Variants in DOCK9 observed in about 807,000 individuals in gnomAD.
The protein encoded by DOCK9 is dedicator of cytokinesis 9.
A neutral mutation model predicts 263.3 loss-of-function variants in DOCK9; 89 were observed. That is an observed-to-expected ratio of 0.34 (90% confidence interval 0.28 to 0.40). DOCK9 has a LOEUF of 0.40. DOCK9 is among the 10% of genes least tolerant of loss of function. DOCK9 has a pLI of 1.00. For missense variants in DOCK9, 2,140 were observed against 2,603.4 expected (o/e 0.82, Z 3.87); for synonymous variants, 976 against 973.1 (o/e 1.00, Z -0.06).
upstream of DOCK9, chr13:99,088,105 C>T (rs928513448): frequency 6.6e-6 from 1 of 152,260 alleles, no homozygotes; most frequent in African/African-American, 2.4e-5. Context: ...TGAGGTATGC[C>T]GTCCGCACTC....
At chr13:99,075,863 G>C (rs1329405442) in intron 1 of DOCK9, among the ~76,000 whole-genome samples, 1 of 151,690 alleles carries the variant, frequency 6.6e-6, no homozygotes, top group Non-Finnish European at 1.5e-5. Flanking sequence ...GGAGACCCTG[G>C]GTAGTTCATG....
chr13:98,992,077 C>G (rs1421052892), intron 1 of DOCK9, among the ~76,000 whole-genome samples: 4 of 150,802 alleles, frequency 2.7e-5, no homozygotes, highest in African/African-American at 9.8e-5. Context: ...TAAAACTGTA[C>G]AGTGTGAAGC....
intron 1 of DOCK9, among the ~76,000 whole-genome samples, chr13:98,994,545 T>A (rs1880562787): frequency 1.3e-5 from 2 of 152,224 alleles, no homozygotes; most frequent in South Asian, 4.1e-4. Context: ...ATTTGAATCT[T>A]CTTCTGTGAC....
intron 1 of DOCK9, among the ~76,000 whole-genome samples, chr13:98,963,020 T>C (rs2058823768): frequency 6.6e-6 from 1 of 152,128 alleles, no homozygotes; most frequent in South Asian, 2.1e-4. Flanking sequence ...TTATGTGGCA[T>C]GATCAGAGTG....
chr13:98,877,342 A>G (rs1331854369), intron 27 of DOCK9, among the ~76,000 whole-genome samples: 6 of 152,338 alleles, frequency 3.9e-5, no homozygotes, highest in South Asian at 4.1e-4. Context: ...ACATGCAAGT[A>G]AATTCCTTTA....
intron 1 of DOCK9, among the ~76,000 whole-genome samples, chr13:99,037,423 CCTA>C (rs1888006236): frequency 6.6e-6 from 1 of 152,128 alleles, no homozygotes; most frequent in African/African-American, 2.4e-5. Flanking sequence ...GATACTCCTA[CCTA>C]CTTATTAAAT....
chr13:98,872,031 A>G (rs2094201235), intron 27 of DOCK9: 1 of 152,410 alleles, frequency 6.6e-6, no homozygotes, highest in African/African-American at 2.4e-5. Context: ...CTTCGTAGAG[A>G]CCCAGGATGG....
At chr13:98,837,692 G>T in intron 38 of DOCK9, 83 bp from the exon 39 acceptor site, 1 of 700,322 alleles carries the variant, frequency 1.4e-6, no homozygotes. Flanking sequence ...GTCAACTTTT[G>T]ATTATTCAGA....
chr13:98,840,743 A>G (rs1194890749), intron 38 of DOCK9, among the ~76,000 whole-genome samples: 1 of 152,148 alleles, frequency 6.6e-6, no homozygotes, highest in Non-Finnish European at 1.5e-5. Flanking sequence ...TAGGTCAGAG[A>G]CGTATTCCTA....
At chr13:98,926,882 A>G (rs913422317) in intron 3 of DOCK9, among the ~76,000 whole-genome samples, 5 of 152,260 alleles carry the variant, frequency 3.3e-5, no homozygotes, top group African/African-American at 9.6e-5. Context: ...TAACATGAAC[A>G]ACGTCTCTAT....
intron 3 of DOCK9, among the ~76,000 whole-genome samples, chr13:98,929,403 C>T (rs1477445486): frequency 1.3e-5 from 2 of 151,998 alleles, no homozygotes; most frequent in East Asian, 1.9e-4. Context: ...GTTAGCCAGG[C>T]GTGGTGGTGC....
At chr13:98,916,719 A>G (rs1270757908) in intron 7 of DOCK9, among the ~76,000 whole-genome samples, 1 of 152,132 alleles carries the variant, frequency 6.6e-6, no homozygotes, top group African/African-American at 2.4e-5. Flanking sequence ...AACAAAATGA[A>G]TTTTCTCTCC....
At chr13:99,006,896 A>G (rs148327686) in intron 1 of DOCK9, among the ~76,000 whole-genome samples, 1,546 of 151,920 alleles carry the variant, frequency 0.01, 14 homozygotes, top group Middle Eastern at 0.021. Flanking sequence ...GTTCCAGACC[A>G]ACCTGACAAC....
intron 38 of DOCK9, chr13:98,845,505 C>T (rs368239250): frequency 6.1e-6 from 3 of 488,280 alleles, no homozygotes; most frequent in South Asian, 4.3e-5. Context: ...AGAATGTGGA[C>T]GCTTGATCAA....
intron 2 of DOCK9, among the ~76,000 whole-genome samples, chr13:98,932,431 C>CAAAA (rs988414855): frequency 7.5e-6 from 1 of 133,978 alleles, no homozygotes; most frequent in South Asian, 2.6e-4. Flanking sequence ...AACAAACAAA[C>CAAAA]AAAAAAACAG....
In DOCK9 at chr13:98,860,455, G is replaced by T; in HGVS notation, c.3647C>A (p.Thr1216Asn). The change falls in exon 33 of 53, where the codon ACC becomes AAC. Residue 1216 changes from threonine (T) to asparagine (N), a missense_variant. Coordinates refer to ENST00000682017, the MANE Select transcript of DOCK9 (RefSeq NM_001366683.2). ...NPLVTPQKGSTLDNSLHKDLL... is the reference protein window; with the variant it reads ...NPLVTPQKGSNLDNSLHKDLL... ...GTCCTTGTGCAGGCTGTTGTCCAGG[G>T]TGCTTCCCTTCTGCGGCGTCACCAG... is the stretch of plus-strand genomic sequence containing the variant. 2.5e-6 allele frequency: 4 copies of T among 1,593,956 alleles called. No individual in the cohort carries two copies. Among genetic ancestry groups the T allele is most frequent in the Non-Finnish European group, 2.6e-6 (3 of 1,169,430 alleles).
chr13:98,896,490 A>ACAC (rs202049848), intron 15 of DOCK9, among the ~76,000 whole-genome samples: 28 of 134,516 alleles, frequency 2.1e-4, no homozygotes, highest in African/African-American at 6.4e-4. Flanking sequence ...TGATATGCAC[A>ACAC]AAAAAAAAAA....
chr13:98,794,000 G>A lies in DOCK9; in HGVS notation c.*626C>T, dbSNP rs1221478540. On this transcript the variant is annotated 3_prime_UTR_variant, in exon 53 of 53. Transcript: ENST00000682017. ...CAGCATAGTTGCGGTTATTAATATA[G>A]GCCTTTGGTTCTAAACTGCTTGACT... 2 of 152,594 alleles carry A rather than the reference G, an allele frequency of 1.3e-5. No homozygotes were observed. The highest frequency in any genetic ancestry group is 2.9e-5 in the Non-Finnish European group (2 of 68,094). 9.5% of individuals were successfully genotyped at this position (152,594 alleles called of 1,614,324 possible). A position where few individuals can be genotyped will look rare whatever the true frequency, so the allele number is the denominator to read the frequency against.
chr13:99,083,127 C>T (rs937069269), intron 1 of DOCK9, among the ~76,000 whole-genome samples: 7 of 152,040 alleles, frequency 4.6e-5, no homozygotes, highest in African/African-American at 1.2e-4. Context: ...TGGTAGAACA[C>T]ACCTGTAATC....
Sources: gnomAD v4.1 joint callset for allele counts (sites outside exome capture counted in the v4.1 genomes callset) on GRCh38, gnomAD v4.1.1 for gene constraint, MANE v1.5 for transcripts, NCBI Gene and HGNC (gene_info 2026-07-23, HGNC 2026-07-21) for gene names.